RBFOX1: variants seen among roughly 807,000 people sequenced by gnomAD.
RBFOX1 encodes RNA binding protein fox-1 homolog 1.
RBFOX1 carries 8 observed loss-of-function variants against 57.7 expected under a neutral mutation model. That is an observed-to-expected ratio of 0.14 (90% confidence interval 0.08 to 0.25). RBFOX1 has a LOEUF of 0.25. Among genes scored for constraint, RBFOX1 ranks in the 10% least tolerant of loss-of-function variants. The pLI, the probability that RBFOX1 is intolerant of heterozygous loss-of-function variation, is 1.00. For missense variants in RBFOX1, 611 were observed against 548.5 expected (o/e 1.11, Z -1.14); for synonymous variants, 326 against 222.4 (o/e 1.47, Z -4.15).
intron 1 of RBFOX1, among the ~76,000 whole-genome samples, chr16:6,220,918 C>G (rs1276968696): frequency 6.6e-6 from 1 of 152,000 alleles, no homozygotes; most frequent in East Asian, 1.9e-4. Flanking sequence ...ATAATCATAA[C>G]TTAACCTTAA....
At chr16:7,582,912 A>G (rs963867987) in intron 6 of RBFOX1, among the ~76,000 whole-genome samples, 2 of 152,172 alleles carry the variant, frequency 1.3e-5, no homozygotes, top group African/African-American at 4.8e-5. Flanking sequence ...AACTGCCTAA[A>G]ACTTGGCAGT....
chr16:7,293,078 C>T (rs2095824881), intron 4 of RBFOX1, among the ~76,000 whole-genome samples: 1 of 152,140 alleles, frequency 6.6e-6, no homozygotes, highest in South Asian at 2.1e-4. Flanking sequence ...AGCCAAATGT[C>T]ATTTTCAAGG....
Position 7,087,115 on chromosome 16 carries a change from C to G in RBFOX1, c.27+35017C>G, listed in dbSNP as rs546548666. Among the ~76,000 whole-genome samples, 16 of 152,282 alleles carry G rather than the reference C, an allele frequency of 1.1e-4. No individual in the cohort carries two copies. The East Asian group carries it at 3.1e-3, about 29-fold the overall frequency. On this transcript the variant is annotated intron_variant, in intron 4 of 15. Coordinates refer to ENST00000550418, the MANE Select transcript of RBFOX1 (RefSeq NM_018723.4). ...GTAATGAGTCTGGGGAGGCCTTGACCTGACTGGATGCTGCTTTTATCTGAA... is the reference window on the plus strand; with the variant it reads ...GTAATGAGTCTGGGGAGGCCTTGACGTGACTGGATGCTGCTTTTATCTGAA...
chr16:6,499,144 T>C (rs2095850991), intron 2 of RBFOX1, among the ~76,000 whole-genome samples: 1 of 152,214 alleles, frequency 6.6e-6, no homozygotes, highest in Admixed American at 6.5e-5. Context: ...CTTTGTTTAC[T>C]GTGGAAGCTG....
chr16:7,452,399 G>A (rs1217317129), intron 4 of RBFOX1, among the ~76,000 whole-genome samples: 2 of 152,170 alleles, frequency 1.3e-5, no homozygotes, highest in Non-Finnish European at 2.9e-5. Flanking sequence ...TCCCCCACCT[G>A]CCTAGAATGG....
At position 7,165,488 on chromosome 16, in the gene RBFOX1, G is replaced by C. The variant is rs944258820; in HGVS notation, c.27+113390G>C. Among the ~76,000 whole-genome samples the C allele has an allele frequency of 4.0e-5, 6 of 151,704 alleles. 1 individual carries two copies. The South Asian group carries it at 6.3e-4, about 16-fold the overall frequency. On this transcript the variant is annotated intron_variant, in intron 4 of 15. Transcript: ENST00000550418. ...CTTGTTCCCCAGGCTGGAGTGCAAT[G>C]GCATGATCTCGGCTCACCGCACCCT... is the stretch of plus-strand genomic sequence containing the variant.
intron 2 of RBFOX1, among the ~76,000 whole-genome samples, chr16:5,492,284 CTAAA>C (rs1239687320): frequency 1.3e-5 from 2 of 152,182 alleles, no homozygotes; most frequent in Non-Finnish European, 2.9e-5. Context: ...TTTCCCAATT[CTAAA>C]TAACCTTTTC....
intron 3 of RBFOX1, among the ~76,000 whole-genome samples, chr16:5,778,322 G>C (rs2054212227): frequency 6.6e-6 from 1 of 152,118 alleles, no homozygotes; most frequent in African/African-American, 2.4e-5. Flanking sequence ...GATCTCATCT[G>C]ATTTCCCTAC....
chr16:6,018,964 T>TG, upstream of RBFOX1: 1 of 488,352 alleles, frequency 2.0e-6, no homozygotes, highest in Non-Finnish European at 2.7e-6. Flanking sequence ...GCTGCACGCG[T>TG]GACCGCGGCG....
chr16:6,206,306 T>C (rs536590280), intron 1 of RBFOX1, among the ~76,000 whole-genome samples: 7 of 152,266 alleles, frequency 4.6e-5, no homozygotes, highest in African/African-American at 1.7e-4. Flanking sequence ...CTGCTTACTT[T>C]GCCAAGCTAG....
intron 1 of RBFOX1, among the ~76,000 whole-genome samples, chr16:6,217,844 G>A (rs149412331): frequency 1.3e-5 from 2 of 152,100 alleles, no homozygotes; most frequent in African/African-American, 2.4e-5. Context: ...GCAAAACTCT[G>A]TATCTAGTAA....
rs188654745 is a variant in RBFOX1, at chr16:7,534,040, C to G, written c.270+15651C>G. 2.0e-5 allele frequency among the ~76,000 whole-genome samples: 3 copies of G among 151,488 alleles called. No homozygotes were observed. In the East Asian group the frequency reaches 5.8e-4, roughly 29 times the overall value. ...GCACCAGGAAGTGATAGACATGGAA[C>G]TCAGATCCAGCCCTGATTCATGTCA... On this transcript the variant is annotated intron_variant, in intron 5 of 15. Transcript: ENST00000550418.
intron 4 of RBFOX1, among the ~76,000 whole-genome samples, chr16:7,278,586 T>G (rs912665411): frequency 4.6e-5 from 7 of 152,218 alleles, no homozygotes; most frequent in Non-Finnish European, 1.5e-5. Context: ...TTATTTCATA[T>G]TGACTTCTGT....
At chr16:5,396,435 G>C (rs1421382512) in intron 1 of RBFOX1, among the ~76,000 whole-genome samples, 2 of 152,108 alleles carry the variant, frequency 1.3e-5, no homozygotes, top group Non-Finnish European at 2.9e-5. Context: ...GAGGCCAGGA[G>C]TTTGAGACCT....
intron 5 of RBFOX1, among the ~76,000 whole-genome samples, chr16:7,562,971 C>G (rs1011910196): frequency 6.6e-6 from 1 of 152,276 alleles, no homozygotes; most frequent in East Asian, 1.9e-4. Flanking sequence ...TCTTTAGATG[C>G]CATTAAGGGA....
intron 2 of RBFOX1, among the ~76,000 whole-genome samples, chr16:5,481,129 T>G (rs2069526605): frequency 6.6e-6 from 1 of 152,242 alleles, no homozygotes; most frequent in African/African-American, 2.4e-5. Context: ...TCTTTGCACT[T>G]AGATTGATCT....
chr16:6,001,227 C>T (rs969742521), intron 4 of RBFOX1, among the ~76,000 whole-genome samples: 1 of 152,204 alleles, frequency 6.6e-6, no homozygotes, highest in African/African-American at 2.4e-5. Flanking sequence ...GCCTGGAGCT[C>T]TCCAGTGGCT....
intron 4 of RBFOX1, among the ~76,000 whole-genome samples, chr16:7,141,979 T>TCTC (rs1003908380): frequency 3.9e-4 from 55 of 142,808 alleles, no homozygotes; most frequent in African/African-American, 1.3e-3. Flanking sequence ...TTCTCCTTCT[T>TCTC]CTCCATCTTC....
At chr16:7,253,113 C>G (rs180796638) in intron 4 of RBFOX1, among the ~76,000 whole-genome samples, 149 of 152,290 alleles carry the variant, frequency 9.8e-4, no homozygotes, top group African/African-American at 3.4e-3. Context: ...GCAAACATAT[C>G]TAGGTCAATC....
Sources: gnomAD v4.1 joint callset for allele counts (sites outside exome capture counted in the v4.1 genomes callset) on GRCh38, gnomAD v4.1.1 for gene constraint, MANE v1.5 for transcripts, NCBI Gene and HGNC (gene_info 2026-07-23, HGNC 2026-07-21) for gene names.